Variants in MTBP observed in about 807,000 individuals in gnomAD.
The protein encoded by MTBP is mdm2-binding protein.
MTBP carries 101 observed loss-of-function variants against 117.0 expected under a neutral mutation model. The ratio of observed to expected loss-of-function variants is 0.86; its 90% CI spans 0.73 to 1.02. MTBP has a LOEUF of 1.02. MTBP is among the 50% of genes least tolerant of loss of function. The probability of loss-of-function intolerance (pLI) is 0.00; values close to 1 mark genes in which losing one functional copy is unlikely to be tolerated. For missense variants in MTBP, 970 were observed against 1,030.9 expected, an observed-to-expected ratio of 0.94 and a Z score of 0.81; for synonymous variants, 350 against 351.5, an observed-to-expected ratio of 1.00 and a Z score of 0.05.
chr8:120,495,897 T>G (rs1814443963), intron 13 of MTBP, among the ~76,000 whole-genome samples: 2 of 152,204 alleles, frequency 1.3e-5, no homozygotes, highest in South Asian at 4.1e-4. Context: ...TTTTTCTGTT[T>G]GTTTGCCTTA....
intron 8 of MTBP, among the ~76,000 whole-genome samples, chr8:120,459,971 G>A (rs1023243177): frequency 1.3e-5 from 2 of 151,854 alleles, no homozygotes; most frequent in African/African-American, 4.8e-5. Flanking sequence ...TTTTAACATT[G>A]GAAAAATAAC....
intron 10 of MTBP, among the ~76,000 whole-genome samples, chr8:120,467,300 A>G (rs371418746): frequency 6.6e-6 from 1 of 152,142 alleles, no homozygotes; most frequent in South Asian, 2.1e-4. Flanking sequence ...GAGAGGACCT[A>G]CTGAAAAGAT....
intron 7 of MTBP, 68 bp from the exon 8 acceptor site, chr8:120,459,147 T>C: frequency 1.3e-5 from 17 of 1,333,634 alleles, no homozygotes; most frequent in Non-Finnish European, 1.8e-5. Context: ...TACATTGTAA[T>C]AAGATGTATT....
intron 4 of MTBP, 93 bp from the exon 5 acceptor site, chr8:120,453,754 G>A: frequency 3.6e-6 from 2 of 552,302 alleles, no homozygotes; most frequent in Non-Finnish European, 6.2e-6. Flanking sequence ...AACAGTGTCT[G>A]TACAACAATC....
chr8:120,515,180 G>A (rs1814895351), intron 17 of MTBP, among the ~76,000 whole-genome samples: 1 of 152,006 alleles, frequency 6.6e-6, no homozygotes, highest in Admixed American at 6.6e-5. Context: ...CATCACATAT[G>A]TGAAGCCATT....
intron 11 of MTBP, chr8:120,471,146 A>T: frequency 2.4e-6 from 1 of 423,398 alleles, no homozygotes; most frequent in Admixed American, 4.2e-5. Context: ...AATGCTAGTG[A>T]TCTAAAGGCA....
chr8:120,509,426 A>C (rs2130611751), intron 16 of MTBP, among the ~76,000 whole-genome samples: 1 of 152,178 alleles, frequency 6.6e-6, no homozygotes, highest in South Asian at 2.1e-4. Flanking sequence ...ACATGGTGAA[A>C]CCCTGTCTCT....
chr8:120,461,326 G>A (rs1448200335), intron 9 of MTBP, 71 bp downstream of exon 9: 22 of 1,053,580 alleles, frequency 2.1e-5, no homozygotes, highest in Non-Finnish European at 5.8e-6. Flanking sequence ...GGTATTGTCA[G>A]GTAAATATAC....
chr8:120,455,396 CT>C, intron 5 of MTBP, 38 bp from the exon 6 acceptor site: 1 of 1,430,010 alleles, frequency 7.0e-7, no homozygotes. Context: ...TCAGATCTAA[CT>C]TTTTAAAAAT....
intron 18 of MTBP, among the ~76,000 whole-genome samples, chr8:120,516,540 C>G (rs1814923381): frequency 1.3e-5 from 2 of 151,996 alleles, no homozygotes; most frequent in Non-Finnish European, 2.9e-5. Context: ...TTTCCTTTCC[C>G]CTCAGTTTCC....
At chr8:120,508,064 A>G (rs1450058869) in intron 16 of MTBP, among the ~76,000 whole-genome samples, 3 of 152,174 alleles carry the variant, frequency 2.0e-5, no homozygotes, top group Non-Finnish European at 4.4e-5. Flanking sequence ...TTTATTTAGG[A>G]AAATTTGATG....
intron 16 of MTBP, among the ~76,000 whole-genome samples, chr8:120,508,320 A>AG (rs1814731533): frequency 6.6e-6 from 1 of 152,198 alleles, no homozygotes. Flanking sequence ...TATTTTAGAA[A>AG]GAAAAACTTG....
chr8:120,489,874 G>C (rs747638898), intron 12 of MTBP, among the ~76,000 whole-genome samples: 1 of 152,116 alleles, frequency 6.6e-6, no homozygotes, highest in South Asian at 2.1e-4. Flanking sequence ...ATTGGGCAAC[G>C]CTTTGAAGGA....
intron 12 of MTBP, 61 bp downstream of exon 12, chr8:120,488,393 T>C (rs1814265206): frequency 3.9e-6 from 5 of 1,297,694 alleles, no homozygotes; most frequent in African/African-American, 3.1e-5. Flanking sequence ...GGTTAGCATA[T>C]GTGGCTTTAA....
At chr8:120,474,267 A>T (rs1387482188) in intron 11 of MTBP, among the ~76,000 whole-genome samples, 2 of 150,348 alleles carry the variant, frequency 1.3e-5, no homozygotes, top group African/African-American at 2.4e-5. Flanking sequence ...AACAGTATTT[A>T]AAAAAAAAAT....
intron 13 of MTBP, among the ~76,000 whole-genome samples, chr8:120,494,060 A>G (rs562102593): frequency 6.6e-6 from 1 of 152,306 alleles, no homozygotes; most frequent in South Asian, 2.1e-4. Context: ...CAGATTTGGA[A>G]GGACCCTACC....
intron 11 of MTBP, among the ~76,000 whole-genome samples, chr8:120,482,090 A>G (rs1318459589): frequency 6.6e-6 from 1 of 152,168 alleles, no homozygotes; most frequent in Non-Finnish European, 1.5e-5. Flanking sequence ...TCCACCTGAA[A>G]ATAATTCAAC....
At position 120,460,492 on chromosome 8, in the gene MTBP, G is replaced by A. The variant is rs557075582; in HGVS notation, c.883-669G>A. ...ACTTTGTGTAACCTCTTCAAGAAGT[G>A]TGCTCTTTTCTTTGCCTTTCATGTG... On this transcript the variant is annotated intron_variant, in intron 8 of 21. Coordinates refer to ENST00000305949, the MANE Select transcript of MTBP (RefSeq NM_022045.5). Among the ~76,000 whole-genome samples, 50 of 152,218 alleles carry A rather than the reference G, an allele frequency of 3.3e-4. 1 individual carries two copies. In the South Asian group the frequency reaches 9.5e-3, roughly 29 times the overall value.
intron 2 of MTBP, among the ~76,000 whole-genome samples, chr8:120,447,912 T>G (rs1265966457): frequency 6.9e-6 from 1 of 145,760 alleles, no homozygotes; most frequent in Non-Finnish European, 1.5e-5. Context: ...CAACTTCCAA[T>G]GTTTTATTCT....
Sources: allele counts gnomAD v4.1 joint callset (sites outside exome capture counted in the v4.1 genomes callset), GRCh38; gene constraint gnomAD v4.1.1; transcripts MANE v1.5; gene names NCBI Gene and HGNC (gene_info 2026-07-23, HGNC 2026-07-21).